The following PAPSS2 variants were observed in gnomAD, a reference collection of about 807,000 sequenced individuals.
The protein encoded by PAPSS2 is 3'-phosphoadenosine 5'-phosphosulfate synthase 2.
Under a neutral mutation model 66.5 loss-of-function variants are expected in PAPSS2, and 61 were observed. That is an observed-to-expected ratio of 0.92 (90% CI 0.75 to 1.14). PAPSS2 has a LOEUF of 1.14. Among genes scored for constraint, PAPSS2 ranks in the 50% most tolerant of loss-of-function variants. The pLI is 0.00. For missense variants in PAPSS2, 708 were observed against 789.6 expected, an observed-to-expected ratio of 0.90 and a Z score of 1.24; for synonymous variants, 289 against 287.5, an observed-to-expected ratio of 1.01 and a Z score of -0.05.
At chr10:87,723,273 G>A (rs963402894) in intron 8 of PAPSS2, among the ~76,000 whole-genome samples, 1 of 152,216 alleles carries the variant, frequency 6.6e-6, no homozygotes, top group African/African-American at 2.4e-5. Flanking sequence ...TTCTGAAGGG[G>A]TTATTCTTTG....
Position 87,713,302 on chromosome 10 carries a change from T to C in PAPSS2, c.373T>C (p.Phe125Leu). 1.1e-6 allele frequency: 1 copy of C among 925,756 alleles called. No individual in the cohort carries two copies. Among genetic ancestry groups the C allele is most frequent in the Non-Finnish European group, 1.5e-6 (1 of 669,616 alleles). 57.3% of individuals were successfully genotyped at this position (925,756 alleles called of 1,614,324 possible). ...CTGCATTACCAGCTTTATTTCTCCA[T>C]TCGCAAAGGTAAAAAAAAAAAAAAA... is the stretch of plus-strand genomic sequence containing the variant. ...LVCITSFISP[F>L]AKDRENARKI... Residue 125 changes from phenylalanine (F) to leucine (L), a missense_variant, in exon 3 of 13, where the codon TTC becomes CTC. Coordinates refer to ENST00000456849, the MANE Select transcript of PAPSS2 (RefSeq NM_001015880.2).
At chr10:87,726,409 G>T (rs1194991087) in intron 8 of PAPSS2, among the ~76,000 whole-genome samples, 3 of 152,192 alleles carry the variant, frequency 2.0e-5, no homozygotes, top group Admixed American at 6.5e-5. Context: ...CAGCCTGGCG[G>T]CAGAGCAAGA....
chr10:87,745,725 C>A, intron 12 of PAPSS2, 107 bp from the exon 13 acceptor site: 1 of 1,125,562 alleles, frequency 8.9e-7, no homozygotes, highest in Non-Finnish European at 1.3e-6. Flanking sequence ...GAAGATGCAG[C>A]ATTTTACAGA....
intron 1 of PAPSS2, among the ~76,000 whole-genome samples, chr10:87,684,412 T>C (rs1035655142): frequency 6.6e-6 from 1 of 152,238 alleles, no homozygotes; most frequent in Non-Finnish European, 1.5e-5. Flanking sequence ...CAGCTAATGC[T>C]TTGTGTAAGT....
At chr10:87,705,634 A>G (rs192454744) in intron 1 of PAPSS2, among the ~76,000 whole-genome samples, 1 of 152,324 alleles carries the variant, frequency 6.6e-6, no homozygotes, top group East Asian at 1.9e-4. Flanking sequence ...TAATGACATT[A>G]AGCACTTCAT....
chr10:87,704,340 A>T (rs981544960), intron 1 of PAPSS2, among the ~76,000 whole-genome samples: 6 of 152,232 alleles, frequency 3.9e-5, no homozygotes, highest in Non-Finnish European at 7.3e-5. Flanking sequence ...AAAACGAAGA[A>T]CTTGCTGGGG....
chr10:87,713,068 T>A lies in PAPSS2; in HGVS notation c.146-7T>A. On this transcript the variant is annotated splice_region_variant and splice_polypyrimidine_tract_variant and intron_variant, in intron 2 of 12. Coordinates refer to ENST00000456849, the MANE Select transcript of PAPSS2 (RefSeq NM_001015880.2). ...CGATGTCAGTCTGTTTTATCTGTTC[T>A]GAACAGGTCTCTCTGGTGCTGGAAA... The A allele has an allele frequency of 6.4e-7, 1 of 1,552,086 alleles. No individual in the cohort carries two copies. Among genetic ancestry groups the A allele is most frequent in the Non-Finnish European group, 8.9e-7 (1 of 1,123,852 alleles).
intron 1 of PAPSS2, among the ~76,000 whole-genome samples, chr10:87,692,937 A>G (rs1350649650): frequency 6.6e-6 from 1 of 152,242 alleles, no homozygotes; most frequent in Non-Finnish European, 1.5e-5. Flanking sequence ...TTGATTAGGC[A>G]CTGTTTTAAA....
In PAPSS2 at chr10:87,713,312, T is replaced by TAAAA. The variant is rs367885911; in HGVS notation, c.381+21_381+24dup. ...AGCTTTATTTCTCCATTCGCAAAGG[T>TAAAA]AAAAAAAAAAAAAAAAAAAAAAGGC... On this transcript the variant is annotated splice_region_variant and intron_variant, in intron 3 of 12. Transcript: ENST00000456849. 28,191 of 562,530 alleles carry TAAAA rather than the reference T, an allele frequency of 0.05. 209 individuals carry two copies. Among genetic ancestry groups the TAAAA allele is most frequent in the South Asian group, 0.094 (4,253 of 45,124 alleles). The allele number at this position is 562,530 out of a possible 1,614,324, so 34.8% of individuals were successfully genotyped here. A position where few individuals can be genotyped will look rare whatever the true frequency, so the allele number is the denominator to read the frequency against.
At chr10:87,711,714 G>A (rs1853463955) in intron 2 of PAPSS2, among the ~76,000 whole-genome samples, 1 of 152,118 alleles carries the variant, frequency 6.6e-6, no homozygotes, top group Non-Finnish European at 1.5e-5. Context: ...TAAAAGTATG[G>A]AGACTATTCA....
chr10:87,738,835 G>C (rs1244302382), intron 9 of PAPSS2, among the ~76,000 whole-genome samples: 4 of 152,196 alleles, frequency 2.6e-5, no homozygotes, highest in African/African-American at 7.2e-5. Context: ...ATCATCTCAA[G>C]TTATGTCTAT....
chr10:87,734,407 T>C (rs953225792), intron 9 of PAPSS2, among the ~76,000 whole-genome samples: 4 of 151,810 alleles, frequency 2.6e-5, no homozygotes, highest in Non-Finnish European at 5.9e-5. Flanking sequence ...CTGTGACAGG[T>C]GAAGCTGAAA....
chr10:87,712,715 C>T (rs1328163994), intron 2 of PAPSS2, among the ~76,000 whole-genome samples: 2 of 152,226 alleles, frequency 1.3e-5, no homozygotes, highest in Non-Finnish European at 2.9e-5. Flanking sequence ...CCTTGGCCTC[C>T]CAAAATGCTG....
At position 87,713,312 on chromosome 10, in the gene PAPSS2, T is replaced by TAAAAAAAAAAAAAAAAAAAAAAAAA. The variant is rs367885911; in HGVS notation, c.381+24_381+25insAAAAAAAAAAAAAAAAAAAAAAAAA. 1.7e-4 allele frequency: 96 copies of TAAAAAAAAAAAAAAAAAAAAAAAAA among 575,146 alleles called. 10 individuals are homozygous for TAAAAAAAAAAAAAAAAAAAAAAAAA. The highest frequency in any genetic ancestry group is 1.5e-3 in the African/African-American group (46 of 31,250). 35.6% of individuals were successfully genotyped at this position (575,146 alleles called of 1,614,324 possible). On this transcript the variant is annotated splice_region_variant and intron_variant, in intron 3 of 12. Transcript: ENST00000456849. ...AGCTTTATTTCTCCATTCGCAAAGG[T>TAAAAAAAAAAAAAAAAAAAAAAAAA]AAAAAAAAAAAAAAAAAAAAAAGGC...
chr10:87,680,129 C>T (rs1417639773), intron 1 of PAPSS2, among the ~76,000 whole-genome samples: 3 of 152,030 alleles, frequency 2.0e-5, no homozygotes, highest in Non-Finnish European at 2.9e-5. Flanking sequence ...CAACCAAGAG[C>T]GAGAACCCAA....
chr10:87,670,379 G>A (rs1363675599), intron 1 of PAPSS2, among the ~76,000 whole-genome samples: 2 of 152,196 alleles, frequency 1.3e-5, no homozygotes, highest in Non-Finnish European at 2.9e-5. Context: ...CGATCAATGA[G>A]GAGTGCCTAG....
intron 2 of PAPSS2, 27 bp downstream of exon 2, chr10:87,709,340 T>A: frequency 7.9e-7 from 1 of 1,265,992 alleles, no homozygotes; most frequent in Non-Finnish European, 1.2e-6. Context: ...TATATATATA[T>A]ATATACAAAT....
intron 1 of PAPSS2, among the ~76,000 whole-genome samples, chr10:87,675,971 CTTTTTTTTTT>C (rs5786787): frequency 7.8e-6 from 1 of 127,962 alleles, no homozygotes; most frequent in African/African-American, 3.1e-5. Context: ...TTCCACATTT[CTTTTTTTTTT>C]TTTTTTTTTT....
chr10:87,695,881 AGG>A (rs1484792979), intron 1 of PAPSS2, among the ~76,000 whole-genome samples: 12 of 152,344 alleles, frequency 7.9e-5, no homozygotes, highest in African/African-American at 2.6e-4. Context: ...CTTTTCCATA[AGG>A]AGATGCTTTT....
Sources: gnomAD v4.1 joint callset for allele counts (sites outside exome capture counted in the v4.1 genomes callset) on GRCh38, gnomAD v4.1.1 for gene constraint, MANE v1.5 for transcripts, NCBI Gene and HGNC (gene_info 2026-07-23, HGNC 2026-07-21) for gene names.